IGSF11: variants seen among roughly 807,000 people sequenced by gnomAD.
IGSF11 encodes CXADR like 1.
IGSF11 carries 22 observed loss-of-function variants against 41.0 expected under a neutral mutation model. The observed-to-expected ratio is 0.54, with a 90% CI of 0.38 to 0.77. The LOEUF is 0.77. Among genes scored for constraint, IGSF11 ranks in the 30% least tolerant of loss-of-function variants. IGSF11 has a pLI of 0.00. For synonymous variants in IGSF11, 219 were observed against 201.3 expected, an observed-to-expected ratio of 1.09 and a Z score of -0.74; for missense variants, 444 against 530.8, an observed-to-expected ratio of 0.84 and a Z score of 1.61.
intron 1 of IGSF11, among the ~76,000 whole-genome samples, chr3:119,098,953 G>A (rs2076898692): frequency 6.6e-6 from 1 of 152,120 alleles, no homozygotes; most frequent in African/African-American, 2.4e-5. Flanking sequence ...TATTATCTCA[G>A]GTAACAAATT....
At chr3:119,024,339 C>A (rs1288713768) in intron 1 of IGSF11, among the ~76,000 whole-genome samples, 1 of 152,058 alleles carries the variant, frequency 6.6e-6, no homozygotes, top group Non-Finnish European at 1.5e-5. Context: ...TGTTGGAATA[C>A]AAAATTCAAG....
Position 118,902,962 on chromosome 3 carries a change from C to T in IGSF11, c.855-1G>A. ...ACACTTGGGTGGAAGATCATCCTCT[C>T]TGAAAGGAACAAAATAAAGTCGTTG... On this transcript the variant is annotated splice_acceptor_variant, in intron 6 of 6. Transcript: ENST00000393775. LOFTEE classifies it high-confidence loss of function. 1 of 1,612,164 alleles carries T rather than the reference C, an allele frequency of 6.2e-7. No homozygotes were observed. The highest frequency in any genetic ancestry group is 2.2e-5 in the East Asian group (1 of 44,850).
intron 1 of IGSF11, among the ~76,000 whole-genome samples, chr3:119,077,545 A>G (rs1034832685): frequency 1.3e-5 from 2 of 152,208 alleles, no homozygotes; most frequent in Non-Finnish European, 2.9e-5. Context: ...AATAAGAGCC[A>G]TCTATGACAA....
chr3:118,989,944 T>C (rs1935629768), intron 1 of IGSF11, among the ~76,000 whole-genome samples: 1 of 152,152 alleles, frequency 6.6e-6, no homozygotes, highest in South Asian at 2.1e-4. Context: ...GCAGGGGTTT[T>C]CCAGACATAT....
intron 1 of IGSF11, among the ~76,000 whole-genome samples, chr3:119,100,365 G>A (rs1322775465): frequency 1.3e-5 from 2 of 152,208 alleles, no homozygotes; most frequent in Non-Finnish European, 2.9e-5. Context: ...GATGTGGAGT[G>A]TTGGATAAGA....
At chr3:118,920,843 A>G (rs1941705428) in intron 4 of IGSF11, among the ~76,000 whole-genome samples, 1 of 152,192 alleles carries the variant, frequency 6.6e-6, no homozygotes, top group African/African-American at 2.4e-5. Flanking sequence ...AATGCTTCCT[A>G]TGCAATGCAT....
intron 1 of IGSF11, among the ~76,000 whole-genome samples, chr3:119,000,467 A>C (rs895409402): frequency 6.6e-6 from 1 of 151,500 alleles, no homozygotes; most frequent in Admixed American, 6.6e-5. Flanking sequence ...TATCGTATTT[A>C]ATGGCAACTC....
rs1462134172 is a variant in IGSF11, at chr3:118,930,184, G to A, written c.144C>T (p.Thr48=). The A allele has an allele frequency of 6.2e-7, 1 of 1,614,044 alleles. No individual in the cohort carries two copies. Among genetic ancestry groups the A allele is most frequent in the Admixed American group, 1.7e-5 (1 of 60,004 alleles). Residue 48 remains threonine (T), a synonymous_variant, in exon 2 of 7, where the codon ACC becomes ACT. Coordinates refer to ENST00000393775, the MANE Select transcript of IGSF11 (RefSeq NM_001015887.3). ...CATTGAGGTTAATGAGGGCAGCGCT[G>A]GTAGTGAAAGTGCAGGGCAGGACTG... ...QPAVLPCTFT[T]SAALINLNVI...
At chr3:118,986,260 A>G (rs1029553889) in intron 1 of IGSF11, among the ~76,000 whole-genome samples, 2 of 152,144 alleles carry the variant, frequency 1.3e-5, no homozygotes, top group Non-Finnish European at 2.9e-5. Flanking sequence ...GGAACCAGTC[A>G]TGCCTCTAAA....
At chr3:118,973,369 T>G (rs531354935) in intron 1 of IGSF11, among the ~76,000 whole-genome samples, 16 of 152,246 alleles carry the variant, frequency 1.1e-4, no homozygotes, top group African/African-American at 3.6e-4. Context: ...CCCTCAAAAC[T>G]AGGGAAAATC....
intron 3 of IGSF11, 93 bp downstream of exon 3, chr3:118,928,416 A>G (rs1942542139): frequency 2.3e-6 from 2 of 887,084 alleles, no homozygotes; most frequent in Admixed American, 2.0e-5. Context: ...ACATAAGCAG[A>G]CTGAAGGTGT....
chr3:119,029,173 TACACACACACACACACAC>T (rs66598029), intron 1 of IGSF11, among the ~76,000 whole-genome samples: 3 of 111,512 alleles, frequency 2.7e-5, no homozygotes, highest in African/African-American at 7.4e-5. Context: ...TTGGGGATAA[TACACACACACACACACAC>T]ACACACACAC....
chr3:118,956,768 A>T (rs965787300), intron 1 of IGSF11, among the ~76,000 whole-genome samples: 13 of 152,176 alleles, frequency 8.5e-5, no homozygotes, highest in Admixed American at 7.9e-4. Context: ...AGAAAGTTTG[A>T]GATATTGTGA....
chr3:118,991,398 T>C lies in IGSF11; in HGVS notation c.52+43133A>G, dbSNP rs966639524. On this transcript the variant is annotated intron_variant, in intron 1 of 6. Coordinates refer to ENST00000393775, the MANE Select transcript of IGSF11 (RefSeq NM_001015887.3). ...GGGCACATGATTTTACCAAAGTATG[T>C]AACAGGCTTAGTTTTATAACAACAT... Among the ~76,000 whole-genome samples the C allele has an allele frequency of 2.0e-5, 3 of 152,238 alleles. 1 individual carries two copies. Among genetic ancestry groups the C allele is most frequent in the Non-Finnish European group, 4.4e-5 (3 of 68,032 alleles).
chr3:119,011,527 T>C (rs1487788959), intron 1 of IGSF11, among the ~76,000 whole-genome samples: 1 of 152,092 alleles, frequency 6.6e-6, no homozygotes, highest in Non-Finnish European at 1.5e-5. Flanking sequence ...GCCATCCTTC[T>C]GTCAGAAGAA....
At chr3:118,926,611 A>G (rs991192682) in intron 3 of IGSF11, among the ~76,000 whole-genome samples, 1 of 152,238 alleles carries the variant, frequency 6.6e-6, no homozygotes, top group Non-Finnish European at 1.5e-5. Flanking sequence ...TTGCTGAAAG[A>G]GGCCACTTTT....
intron 1 of IGSF11, among the ~76,000 whole-genome samples, chr3:119,117,542 C>A (rs186815277): frequency 6.6e-6 from 1 of 152,136 alleles, no homozygotes; most frequent in African/African-American, 2.4e-5. Context: ...GTCCCTCCCA[C>A]GACACATGGA....
At position 118,902,927 on chromosome 3, in the gene IGSF11, T is replaced by C. The variant is rs761666988; in HGVS notation, c.889A>G (p.Lys297Glu). The C allele has an allele frequency of 1.9e-6, 3 of 1,614,038 alleles. No homozygotes were observed. In the South Asian group the frequency reaches 3.3e-5, roughly 18 times the overall value. Residue 297 changes from lysine to glutamate, a missense_variant, in exon 7 of 7, where the codon AAA (lysine) becomes GAA (glutamate). Lys to Glu is a moderately conservative substitution (Grantham distance 56). Transcript: ENST00000393775. ...GAGGAAATCTCAGTGTGAAATGCTT[T>C]GGCAGAAGAACACTTGGGTGGAAGA... ...DDLPPKCSSA[K>E]AFHTEISSSD...
At chr3:119,030,259 T>A (rs1940267745) in intron 1 of IGSF11, among the ~76,000 whole-genome samples, 1 of 152,256 alleles carries the variant, frequency 6.6e-6, no homozygotes, top group Admixed American at 6.5e-5. Flanking sequence ...GGTTTCATCC[T>A]ATACTCTAAA....
Sources: gnomAD v4.1 joint callset for allele counts (sites outside exome capture counted in the v4.1 genomes callset) on GRCh38, gnomAD v4.1.1 for gene constraint, MANE v1.5 for transcripts, NCBI Gene and HGNC (gene_info 2026-07-23, HGNC 2026-07-21) for gene names.